KIF26B: variants seen among roughly 807,000 people sequenced by gnomAD.
KIF26B encodes kinesin-like protein KIF26B.
A neutral mutation model predicts 151.2 loss-of-function variants in KIF26B; 63 were observed. The observed-to-expected ratio is 0.42, with a 90% CI of 0.34 to 0.51. The LOEUF (loss-of-function observed/expected upper bound fraction) is 0.51. KIF26B is among the 20% of genes least tolerant of loss of function. KIF26B has a pLI of 0.07. For missense variants in KIF26B, 2,813 were observed against 2,913.6 expected (o/e 0.97, Z 0.79); for synonymous variants, 1,357 against 1,262.1 (o/e 1.08, Z -1.59).
At chr1:245,660,141 C>G (rs985186221) in intron 10 of KIF26B, among the ~76,000 whole-genome samples, 3 of 151,470 alleles carry the variant, frequency 2.0e-5, no homozygotes, top group African/African-American at 7.3e-5. Context: ...CTATTTATGA[C>G]TACAACTCTC....
Position 245,540,448 on chromosome 1 carries a change from C to T in KIF26B, c.1167-319C>T, listed in dbSNP as rs1661588296. On this transcript the variant is annotated intron_variant, in intron 4 of 14. Coordinates refer to ENST00000407071, the MANE Select transcript of KIF26B (RefSeq NM_018012.4). The surrounding 1 kb of genome is among the most constrained non-coding windows in gnomAD (Gnocchi z 4.6). ...TGTGGAGTGATGAACTTAATGGGTG[C>T]CCTTATCCCCAAAGATGCCCAGCTT... is the stretch of plus-strand genomic sequence containing the variant. 4.1e-5 allele frequency: 23 copies of T among 554,910 alleles called. No individual in the cohort carries two copies. The highest frequency in any genetic ancestry group is 3.5e-4 in the South Asian group (22 of 62,498). The allele number at this position is 554,910 out of a possible 1,614,324, so 34.4% of individuals were successfully genotyped here.
chr1:245,452,599 A>T (rs1242351406), intron 4 of KIF26B, among the ~76,000 whole-genome samples: 2 of 151,762 alleles, frequency 1.3e-5, no homozygotes, highest in Non-Finnish European at 2.9e-5. Flanking sequence ...GACAGTATTT[A>T]TTTTCCTTTT....
intron 2 of KIF26B, among the ~76,000 whole-genome samples, chr1:245,359,105 G>A (rs1672761019): frequency 1.3e-5 from 2 of 151,640 alleles, no homozygotes; most frequent in South Asian, 2.1e-4. Context: ...TGCAGCCTCC[G>A]CCTCCTGTGT....
chr1:245,527,565 G>A (rs1345477287), intron 4 of KIF26B, among the ~76,000 whole-genome samples: 1 of 88,364 alleles, frequency 1.1e-5, no homozygotes, highest in Non-Finnish European at 1.9e-5. Flanking sequence ...ATGGAGTCTG[G>A]CTATGTCGCC....
Position 245,407,184 on chromosome 1 carries a change from C to A in KIF26B, c.1000-12395C>A, listed in dbSNP as rs567878520. ...GTTTGTGCATTTCATCTTCTGGTGC[C>A]CCAGAGCTCTGAGTGTAGCTGAAAC... On this transcript the variant is annotated intron_variant, in intron 3 of 14. Transcript: ENST00000407071. Among the ~76,000 whole-genome samples, 3 of 152,200 alleles carry A rather than the reference C, an allele frequency of 2.0e-5. No individual in the cohort carries two copies. The East Asian group carries it at 5.8e-4, about 29-fold the overall frequency.
At position 245,705,726 on chromosome 1, in the gene KIF26B, C is replaced by A. The variant is rs192868756; in HGVS notation, c.*3120C>A. On this transcript the variant is annotated 3_prime_UTR_variant, in exon 15 of 15. Transcript: ENST00000407071. ...AGCAAAACTAAGATCTAAGAACGGG[C>A]GGTGGTGCTATTGTGTCCCTGGGAG... The A allele has an allele frequency of 6.6e-6, 1 of 152,186 alleles. No homozygotes were observed. The highest frequency in any genetic ancestry group is 2.4e-5 in the African/African-American group (1 of 41,430). The allele number at this position is 152,186 out of a possible 1,614,324, so 9.4% of individuals were successfully genotyped here. A position where few individuals can be genotyped will look rare whatever the true frequency, so the allele number is the denominator to read the frequency against.
rs148223535 is a variant in KIF26B at position 245,658,075 on chromosome 1, T to A, written c.2258+11795T>A. Among the ~76,000 whole-genome samples, 61 of 152,200 alleles carry A rather than the reference T, an allele frequency of 4.0e-4. No homozygotes were observed. In the East Asian group the frequency reaches 0.012, roughly 29 times the overall value. On this transcript the variant is annotated intron_variant, in intron 10 of 14. Coordinates refer to ENST00000407071, the MANE Select transcript of KIF26B (RefSeq NM_018012.4). ...ATAGGTTTTACCACCTAAGTATGTG[T>A]CCCCCCAAAACATACTGTTTAGTTT...
intron 4 of KIF26B, among the ~76,000 whole-genome samples, chr1:245,447,349 T>C (rs1340305959): frequency 6.6e-6 from 1 of 152,250 alleles, no homozygotes. Flanking sequence ...CATAGGAATA[T>C]GCTTCGTACT....
chr1:245,299,320 GTTTTT>G (rs55957858), intron 2 of KIF26B, among the ~76,000 whole-genome samples: 4 of 103,184 alleles, frequency 3.9e-5, no homozygotes, highest in African/African-American at 1.1e-4. Flanking sequence ...CCAATTCTGG[GTTTTT>G]TTTTTTTTTT....
At chr1:245,259,544 G>T (rs988252759) in intron 2 of KIF26B, among the ~76,000 whole-genome samples, 2 of 152,164 alleles carry the variant, frequency 1.3e-5, no homozygotes, top group African/African-American at 4.8e-5. Flanking sequence ...GTTTGGTTGT[G>T]CCTGGTCACT....
chr1:245,557,541 T>G (rs1329441698), intron 5 of KIF26B, among the ~76,000 whole-genome samples: 1 of 152,200 alleles, frequency 6.6e-6, no homozygotes, highest in Non-Finnish European at 1.5e-5. Context: ...AAGTGGGGTA[T>G]GAGGCCCGGT....
chr1:245,433,588 A>G (rs1658833414), intron 4 of KIF26B, among the ~76,000 whole-genome samples: 3 of 152,228 alleles, frequency 2.0e-5, no homozygotes, highest in African/African-American at 4.8e-5. Context: ...AGTGATAAAA[A>G]TAATTCTGAA....
rs903496095 is a variant in KIF26B, at chr1:245,303,105, C to T, written c.466-63729C>T. ...TCTGTTCTCAGTCCTACTTGTAACA[C>T]ATCCACTGACCTTAAACACATTTCT... On this transcript the variant is annotated intron_variant, in intron 2 of 14. Coordinates refer to ENST00000407071, the MANE Select transcript of KIF26B (RefSeq NM_018012.4). Among the ~76,000 whole-genome samples, 56 of 150,752 alleles carry T rather than the reference C, an allele frequency of 3.7e-4. 1 individual carries two copies. The highest frequency in any genetic ancestry group is 1.3e-3 in the African/African-American group (53 of 41,110).
At position 245,160,587 on chromosome 1, in the gene KIF26B, C is replaced by A. The variant is rs375786986; in HGVS notation, c.465+3904C>A. Among the ~76,000 whole-genome samples, 7 of 152,146 alleles carry A rather than the reference C, an allele frequency of 4.6e-5. No homozygotes were observed. The Middle Eastern group carries it at 0.01, about 222-fold the overall frequency. On this transcript the variant is annotated intron_variant, in intron 2 of 14. Transcript: ENST00000407071. ...AAATTCCCTGGAGTAAGCAGTAAAG[C>A]TCCAGGTTGGCAAAAGGTTATCAGA...
chr1:245,402,088 G>A (rs963535790), intron 3 of KIF26B, among the ~76,000 whole-genome samples: 8 of 152,178 alleles, frequency 5.3e-5, no homozygotes, highest in Admixed American at 1.3e-4. Flanking sequence ...GGGTGAGGCT[G>A]GGCTGGCCTG....
chr1:245,458,509 A>G (rs1236021084), intron 4 of KIF26B, among the ~76,000 whole-genome samples: 1 of 151,682 alleles, frequency 6.6e-6, no homozygotes, highest in Admixed American at 6.6e-5. Flanking sequence ...TCGCTGTCTC[A>G]CTCTCCCTTG....
intron 2 of KIF26B, among the ~76,000 whole-genome samples, chr1:245,339,594 G>GT (rs1672298367): frequency 6.6e-6 from 1 of 152,220 alleles, no homozygotes; most frequent in South Asian, 2.1e-4. Flanking sequence ...GGATGTGGAA[G>GT]TAAGTGCCAT....
intron 4 of KIF26B, among the ~76,000 whole-genome samples, chr1:245,459,166 A>C (rs1166330146): frequency 6.6e-6 from 1 of 152,226 alleles, no homozygotes; most frequent in Non-Finnish European, 1.5e-5. Context: ...CTTTGTGCAC[A>C]TATCACAGAC....
intron 3 of KIF26B, among the ~76,000 whole-genome samples, chr1:245,377,323 C>G (rs1236463028): frequency 6.6e-6 from 1 of 152,200 alleles, no homozygotes; most frequent in Non-Finnish European, 1.5e-5. Flanking sequence ...AGGGAAGAGT[C>G]CTTCCTCGCC....
Sources: allele counts gnomAD v4.1 joint callset (sites outside exome capture counted in the v4.1 genomes callset), GRCh38; gene constraint gnomAD v4.1.1; non-coding constraint Gnocchi (gnomAD v3.1); transcripts MANE v1.5; gene names NCBI Gene and HGNC (gene_info 2026-07-23, HGNC 2026-07-21).